Variants in MAML3 observed in about 807,000 individuals in gnomAD.
MAML3 encodes the protein mastermind-like protein 3.
In MAML3, 27 loss-of-function variants were observed where a neutral mutation model predicts 101.9. That is an observed-to-expected ratio of 0.27 (90% CI 0.20 to 0.37). The LOEUF (loss-of-function observed/expected upper bound fraction) is 0.37. Ranked by LOEUF, MAML3 falls within the 10% of genes least tolerant of loss-of-function variation. The probability of loss-of-function intolerance (pLI) is 1.00; values close to 1 mark genes in which losing one functional copy is unlikely to be tolerated. For missense variants in MAML3, 1,316 were observed against 1,444.9 expected (o/e 0.91, Z 1.45); for synonymous variants, 501 against 555.9 (o/e 0.90, Z 1.39).
intron 1 of MAML3, among the ~76,000 whole-genome samples, chr4:140,041,262 C>A (rs553931130): frequency 6.6e-6 from 1 of 152,114 alleles, no homozygotes; most frequent in East Asian, 1.9e-4. Flanking sequence ...ATAAATATGC[C>A]TTTGCTAGCT....
chr4:139,810,575 G>T (rs1008214106), intron 2 of MAML3, among the ~76,000 whole-genome samples: 16 of 152,118 alleles, frequency 1.1e-4, no homozygotes, highest in Admixed American at 9.2e-4. Context: ...AGCACAGAGG[G>T]ATCTGTGAGT....
At chr4:139,989,842 C>G (rs979629479) in intron 1 of MAML3, among the ~76,000 whole-genome samples, 8 of 128,068 alleles carry the variant, frequency 6.2e-5, no homozygotes, top group Non-Finnish European at 1.2e-4. Context: ...CCCCACCACA[C>G]ACAAACAAAC....
intron 1 of MAML3, among the ~76,000 whole-genome samples, chr4:140,135,694 C>T (rs1419180206): frequency 6.6e-6 from 1 of 152,210 alleles, no homozygotes; most frequent in African/African-American, 2.4e-5. Context: ...CAAACAAAAG[C>T]CAGCCACGGA....
chr4:139,850,605 C>T (rs1485444936), intron 2 of MAML3, among the ~76,000 whole-genome samples: 1 of 151,738 alleles, frequency 6.6e-6, no homozygotes, highest in Non-Finnish European at 1.5e-5. Flanking sequence ...ACAATCTCGG[C>T]TCACTGCAAC....
chr4:139,837,865 A>G (rs1262884878), intron 2 of MAML3, among the ~76,000 whole-genome samples: 1 of 152,110 alleles, frequency 6.6e-6, no homozygotes, highest in Admixed American at 6.6e-5. Context: ...GTTTGCAGTG[A>G]GCCGAGATCA....
At chr4:139,894,513 A>AAGAT (rs1195993476) in intron 1 of MAML3, among the ~76,000 whole-genome samples, 5 of 63,144 alleles carry the variant, frequency 7.9e-5, no homozygotes, top group Non-Finnish European at 1.8e-4. Context: ...CATCTTAAAA[A>AAGAT]AGAAAGAAAG....
chr4:139,832,514 G>A (rs923141974), intron 2 of MAML3, among the ~76,000 whole-genome samples: 3 of 152,094 alleles, frequency 2.0e-5, no homozygotes, highest in Non-Finnish European at 4.4e-5. Flanking sequence ...CCTAGGGTGG[G>A]AAGAGAAGCT....
At chr4:139,894,168 C>A (rs1008754372) in intron 1 of MAML3, among the ~76,000 whole-genome samples, 2 of 152,142 alleles carry the variant, frequency 1.3e-5, no homozygotes, top group Non-Finnish European at 2.9e-5. Flanking sequence ...GTAAAGTTCA[C>A]AAAGTGTCAT....
chr4:139,863,457 TCTC>T (rs1731825582), intron 2 of MAML3, among the ~76,000 whole-genome samples: 1 of 150,908 alleles, frequency 6.6e-6, no homozygotes, highest in Middle Eastern at 3.4e-3. Context: ...TTCAAGCAAT[TCTC>T]CTGCCTCAGC....
chr4:139,789,722 G>GTATT (rs1730368564), intron 2 of MAML3, among the ~76,000 whole-genome samples: 1 of 152,164 alleles, frequency 6.6e-6, no homozygotes, highest in Admixed American at 6.5e-5. Flanking sequence ...GAGAGAGAAA[G>GTATT]TATTGAAGAT....
intron 1 of MAML3, among the ~76,000 whole-genome samples, chr4:140,017,542 A>G (rs1166525280): frequency 6.6e-6 from 1 of 152,074 alleles, no homozygotes; most frequent in Non-Finnish European, 1.5e-5. Context: ...CCTATAAAAA[A>G]CAAATTATCT....
At chr4:139,906,454 C>T (rs545497585) in intron 1 of MAML3, among the ~76,000 whole-genome samples, 16 of 152,268 alleles carry the variant, frequency 1.1e-4, no homozygotes, top group South Asian at 1.0e-3. Context: ...TGTCACTTTA[C>T]GATGATTTTC....
chr4:139,860,136 T>C (rs1731747637), intron 2 of MAML3, among the ~76,000 whole-genome samples: 2 of 152,228 alleles, frequency 1.3e-5, no homozygotes, highest in Non-Finnish European at 2.9e-5. Context: ...ACCCACAGCC[T>C]GAGTTCCTGA....
At chr4:139,861,477 A>G (rs1278992665) in intron 2 of MAML3, among the ~76,000 whole-genome samples, 10 of 146,494 alleles carry the variant, frequency 6.8e-5, no homozygotes, top group South Asian at 2.3e-4. Flanking sequence ...TAACCAGCCG[A>G]TGTGTGTGTG....
intron 1 of MAML3, among the ~76,000 whole-genome samples, chr4:140,037,234 T>A (rs1727000949): frequency 8.2e-6 from 1 of 121,312 alleles, no homozygotes; most frequent in Admixed American, 9.1e-5. Context: ...CTTCTGACCC[T>A]CTGCTTGAAA....
chr4:139,736,613 C>T (rs2111009703), intron 2 of MAML3, among the ~76,000 whole-genome samples: 1 of 152,268 alleles, frequency 6.6e-6, no homozygotes, highest in South Asian at 2.1e-4. Flanking sequence ...CTCCCCATTC[C>T]CAGTATGGGC....
intron 3 of MAML3, 134 bp downstream of exon 3, chr4:139,730,282 T>C (rs1051917180): frequency 2.6e-6 from 2 of 782,220 alleles, no homozygotes; most frequent in Non-Finnish European, 4.2e-6. Flanking sequence ...CAGGTTCTCT[T>C]GTGATCCTGG....
At position 139,911,891 on chromosome 4, in the gene MAML3, T is replaced by C. The variant is rs142727598; in HGVS notation, c.469-20924A>G. Among the ~76,000 whole-genome samples, 280 of 152,346 alleles carry C rather than the reference T, an allele frequency of 1.8e-3. 2 individuals are homozygous for C. The highest frequency in any genetic ancestry group is 3.3e-3 in the Non-Finnish European group (224 of 68,036). ...TTTCTGTTATTTATAAGCCATGTAG[T>C]ATTTGGTATTCTGTTACAGCAGCCT... is the stretch of plus-strand genomic sequence containing the variant. On this transcript the variant is annotated intron_variant, in intron 1 of 4. Transcript: ENST00000509479.
At chr4:139,772,676 C>T (rs1730019813) in intron 2 of MAML3, among the ~76,000 whole-genome samples, 1 of 151,796 alleles carries the variant, frequency 6.6e-6, no homozygotes, top group African/African-American at 2.4e-5. Flanking sequence ...CCTCCATTAA[C>T]TTGTATTATA....
Sources: gnomAD v4.1 joint callset for allele counts (sites outside exome capture counted in the v4.1 genomes callset) on GRCh38, gnomAD v4.1.1 for gene constraint, MANE v1.5 for transcripts, NCBI Gene and HGNC (gene_info 2026-07-23, HGNC 2026-07-21) for gene names.